Variants in BTRC observed in about 807,000 individuals in gnomAD.
The protein encoded by BTRC is beta-transducin repeat containing E3 ubiquitin protein ligase, also known as F-box/WD repeat-containing protein 1A.
In BTRC, 42 loss-of-function variants were observed where a neutral mutation model predicts 85.5. The observed-to-expected ratio is 0.49, with a 90% CI of 0.38 to 0.64. BTRC has a LOEUF of 0.64. Ranked by LOEUF, BTRC falls within the 30% of genes least tolerant of loss-of-function variation. The pLI is 0.00. For missense variants in BTRC, 594 were observed against 743.5 expected (o/e 0.80, Z 2.34); for synonymous variants, 255 against 263.3 (o/e 0.97, Z 0.30).
chr10:101,534,348 T>C (rs889238895), intron 9 of BTRC, among the ~76,000 whole-genome samples: 2 of 152,234 alleles, frequency 1.3e-5, no homozygotes, highest in Non-Finnish European at 2.9e-5. Flanking sequence ...GCTATTGTTA[T>C]TAATCAGATT....
chr10:101,534,012 A>G (rs2062342583), intron 9 of BTRC, among the ~76,000 whole-genome samples: 1 of 152,192 alleles, frequency 6.6e-6, no homozygotes, highest in Non-Finnish European at 1.5e-5. Context: ...AGGAAATAAC[A>G]TGTTATAAAA....
intron 4 of BTRC, among the ~76,000 whole-genome samples, chr10:101,503,642 C>G (rs150096739): frequency 1.2e-3 from 190 of 152,322 alleles, no homozygotes; most frequent in African/African-American, 4.0e-3. Flanking sequence ...ACTTCATTCA[C>G]TGCAGCTAAG....
chr10:101,473,662 G>C (rs1945599762), intron 3 of BTRC, among the ~76,000 whole-genome samples: 1 of 151,320 alleles, frequency 6.6e-6, no homozygotes, highest in Non-Finnish European at 1.5e-5. Context: ...GTAGAGATGG[G>C]GTTTCACCAT....
chr10:101,383,213 AC>A (rs1942982923), intron 1 of BTRC, among the ~76,000 whole-genome samples: 1 of 151,608 alleles, frequency 6.6e-6, no homozygotes, highest in Non-Finnish European at 1.5e-5. Context: ...ACAGGCGTGC[AC>A]CACCACGCCC....
chr10:101,494,479 T>C (rs1022064913), intron 4 of BTRC, among the ~76,000 whole-genome samples: 1 of 152,200 alleles, frequency 6.6e-6, no homozygotes, highest in Non-Finnish European at 1.5e-5. Context: ...TGCTATATCA[T>C]AACTCAAAAA....
At chr10:101,536,073 G>T (rs113936412) in intron 11 of BTRC, among the ~76,000 whole-genome samples, 30 of 152,370 alleles carry the variant, frequency 2.0e-4, no homozygotes, top group African/African-American at 7.0e-4. Flanking sequence ...AAGTTCTTGA[G>T]AACTGACTTT....
chr10:101,407,109 G>A (rs1404149932), intron 1 of BTRC, among the ~76,000 whole-genome samples: 1 of 152,166 alleles, frequency 6.6e-6, no homozygotes, highest in Admixed American at 6.5e-5. Context: ...TGTAATCCCA[G>A]CGTTTTAGGA....
intron 1 of BTRC, among the ~76,000 whole-genome samples, chr10:101,425,284 A>G (rs1378959066): frequency 6.6e-6 from 1 of 152,104 alleles, no homozygotes; most frequent in African/African-American, 2.4e-5. Flanking sequence ...AGTAGAAAAC[A>G]TGTTCAGTCT....
chr10:101,464,846 C>A (rs981696277), intron 3 of BTRC, among the ~76,000 whole-genome samples: 1 of 152,116 alleles, frequency 6.6e-6, no homozygotes, highest in South Asian at 2.1e-4. Context: ...TTGCTCGAAC[C>A]AGATTACTGT....
At position 101,538,148 on chromosome 10, in the gene BTRC, A is replaced by T. The variant is rs929133057; in HGVS notation, c.1578-145A>T. On this transcript the variant is annotated intron_variant, in intron 12 of 14. Coordinates refer to ENST00000370187, the MANE Select transcript of BTRC (RefSeq NM_033637.4). ...AACTGTCTTCAGTTTGGTTAAAGCT[A>T]GCCTGTTTCTCATTTGTAGGTTAAT... 8 of 695,028 alleles carry T rather than the reference A, an allele frequency of 1.2e-5. No individual in the cohort carries two copies. The African/African-American group carries it at 1.4e-4, about 12-fold the overall frequency. The allele number at this position is 695,028 out of a possible 1,614,324, so 43.1% of individuals were successfully genotyped here.
At chr10:101,390,112 T>C (rs1001142910) in intron 1 of BTRC, among the ~76,000 whole-genome samples, 17 of 152,198 alleles carry the variant, frequency 1.1e-4, no homozygotes, top group African/African-American at 4.1e-4. Flanking sequence ...AAGCCCATGA[T>C]AGTAAAATTT....
At chr10:101,354,158 C>T (rs1439662786), upstream of BTRC, 3 of 1,548,362 alleles carry the variant, frequency 1.9e-6, no homozygotes, top group East Asian at 2.5e-5. Context: ...CGGCGGAGAG[C>T]GGACCCAGTG....
intron 1 of BTRC, among the ~76,000 whole-genome samples, chr10:101,381,237 GTAT>G (rs769119728): frequency 1.1e-4 from 16 of 152,094 alleles, no homozygotes; most frequent in Non-Finnish European, 1.8e-4. Context: ...TATTAGGTGT[GTAT>G]TATTATTATC....
intron 13 of BTRC, among the ~76,000 whole-genome samples, chr10:101,546,511 AAC>A (rs1345286958): frequency 3.3e-5 from 5 of 152,140 alleles, no homozygotes; most frequent in African/African-American, 4.8e-5. Flanking sequence ...TAAAAATGAA[AAC>A]ACAGCTATCA....
intron 4 of BTRC, among the ~76,000 whole-genome samples, chr10:101,499,807 C>A (rs1252067179): frequency 1.3e-5 from 2 of 151,536 alleles, no homozygotes; most frequent in African/African-American, 4.9e-5. Flanking sequence ...CTTCTACCTT[C>A]CATTGAAACT....
At chr10:101,514,058 A>G (rs1411972111) in intron 4 of BTRC, among the ~76,000 whole-genome samples, 1 of 152,198 alleles carries the variant, frequency 6.6e-6, no homozygotes, top group Non-Finnish European at 1.5e-5. Flanking sequence ...GCTTATTGGC[A>G]TCTGTGGATC....
At chr10:101,524,846 C>T (rs1044455856) in intron 5 of BTRC, among the ~76,000 whole-genome samples, 1 of 152,090 alleles carries the variant, frequency 6.6e-6, no homozygotes, top group African/African-American at 2.4e-5. Context: ...CATGTGATGC[C>T]AGCCAAACAA....
chr10:101,396,307 A>C (rs1300162052), intron 1 of BTRC, among the ~76,000 whole-genome samples: 3 of 151,288 alleles, frequency 2.0e-5, no homozygotes, highest in Non-Finnish European at 2.9e-5. Context: ...AATGAATGTG[A>C]GTTTTTATAA....
intron 1 of BTRC, among the ~76,000 whole-genome samples, chr10:101,357,825 AGTT>A (rs756867414): frequency 1.3e-5 from 2 of 152,244 alleles, no homozygotes; most frequent in Non-Finnish European, 2.9e-5. Context: ...TTGTGAAAAA[AGTT>A]TAAGCAGAAT....
Sources: allele counts gnomAD v4.1 joint callset (sites outside exome capture counted in the v4.1 genomes callset), GRCh38; gene constraint gnomAD v4.1.1; transcripts MANE v1.5; gene names NCBI Gene and HGNC (gene_info 2026-07-23, HGNC 2026-07-21).